Variants in DERA observed in about 807,000 individuals in gnomAD.
The protein encoded by DERA is 2-deoxy-D-ribose 5-phosphate aldolase.
DERA carries 15 observed loss-of-function variants against 41.1 expected under a neutral mutation model. That is an observed-to-expected ratio of 0.37 (90% CI 0.24 to 0.56). DERA has a LOEUF of 0.56. Ranked by LOEUF, DERA falls within the 20% of genes least tolerant of loss-of-function variation. DERA has a pLI of 0.81. For missense variants in DERA, 396 were observed against 403.4 expected, an observed-to-expected ratio of 0.98 and a Z score of 0.16; for synonymous variants, 139 against 137.4, an observed-to-expected ratio of 1.01 and a Z score of -0.08.
At chr12:15,944,573 G>A (rs1948432834) in intron 1 of DERA, among the ~76,000 whole-genome samples, 1 of 152,130 alleles carries the variant, frequency 6.6e-6, no homozygotes, top group South Asian at 2.1e-4. Flanking sequence ...TTTTGATGGG[G>A]TTGTTTGATT....
In DERA at chr12:16,027,347, G is replaced by A. The variant is rs544360548; in HGVS notation, c.638-5195G>A. Among the ~76,000 whole-genome samples, 67 of 152,314 alleles carry A rather than the reference G, an allele frequency of 4.4e-4. No individual in the cohort carries two copies. In the South Asian group the frequency reaches 7.5e-3, roughly 17 times the overall value. On this transcript the variant is annotated intron_variant, in intron 6 of 8. Transcript: ENST00000428559. ...TCAAGAAGTTTGGTAGGCTAAAGAT[G>A]ACTCCTGAAGATAGGTTCACATCCT...
intron 5 of DERA, among the ~76,000 whole-genome samples, chr12:15,978,277 G>T (rs1948711936): frequency 6.6e-6 from 1 of 152,106 alleles, no homozygotes; most frequent in African/African-American, 2.4e-5. Flanking sequence ...GGCTTGTGTT[G>T]GAGTGAAGTG....
chr12:15,914,393 T>TGAA lies in DERA; in HGVS notation c.31+2979_31+2980insGAA, dbSNP rs1948185153. 5.5e-5 allele frequency among the ~76,000 whole-genome samples: 3 copies of TGAA among 55,024 alleles called. No individual in the cohort carries two copies. The Admixed American group carries it at 6.3e-4, about 12-fold the overall frequency. The allele number at this position is 55,024 out of a possible 152,430, so 36.1% of individuals were successfully genotyped here. On this transcript the variant is annotated intron_variant, in intron 1 of 8. Transcript: ENST00000428559. The stretch of plus-strand genomic sequence containing the variant: ...GAGACAGACTGTGTCTCAAAAAAGA[T>TGAA]AAAAAAAAAAAAAAAAAAAGAAAAA...
Position 16,014,178 on chromosome 12 carries a change from G to A in DERA, c.638-18364G>A, listed in dbSNP as rs1948965351. ...TGTGATAGAAAAAAACCCACTTTCT[G>A]AGGAGAAATTCAAGCCAGATGCAGA... On this transcript the variant is annotated intron_variant, in intron 6 of 8. Coordinates refer to ENST00000428559, the MANE Select transcript of DERA (RefSeq NM_015954.4). The surrounding 1 kb of genome is among the most constrained non-coding windows in gnomAD (Gnocchi z 5.4). Among the ~76,000 whole-genome samples, 1 of 152,168 alleles carries A rather than the reference G, an allele frequency of 6.6e-6. No homozygotes were observed. Among genetic ancestry groups the A allele is most frequent in the African/African-American group, 2.4e-5 (1 of 41,438 alleles).
intron 1 of DERA, among the ~76,000 whole-genome samples, chr12:15,926,215 T>G (rs1948282225): frequency 6.6e-6 from 1 of 151,950 alleles, no homozygotes; most frequent in African/African-American, 2.4e-5. Flanking sequence ...CTTTTCAAGA[T>G]GAAGTCTTGC....
intron 1 of DERA, among the ~76,000 whole-genome samples, chr12:15,923,554 A>T (rs560238018): frequency 2.0e-5 from 3 of 152,162 alleles, no homozygotes; most frequent in Non-Finnish European, 2.9e-5. Flanking sequence ...CCTATCTCTG[A>T]TGACTAGACA....
At position 15,940,955 on chromosome 12, in the gene DERA, T is replaced by A. The variant is rs1159166060; in HGVS notation, c.32-15981T>A. The stretch of plus-strand genomic sequence containing the variant: ...ATGTTGAAAAACATTTTGTGCAAAT[T>A]GCAGATAATCAACTTTCCTGAGAAA... On this transcript the variant is annotated intron_variant, in intron 1 of 8. Transcript: ENST00000428559. The surrounding 1 kb of genome is among the most constrained non-coding windows in gnomAD (Gnocchi z 5.1). Among the ~76,000 whole-genome samples the A allele has an allele frequency of 4.6e-5, 7 of 152,230 alleles. No homozygotes were observed.
In DERA at chr12:16,012,559, G is replaced by A. The variant is rs73303391; in HGVS notation, c.638-19983G>A. 0.018 allele frequency among the ~76,000 whole-genome samples: 2,697 copies of A among 152,248 alleles called. 85 individuals carry two copies. The highest frequency in any genetic ancestry group is 0.062 in the African/African-American group (2,574 of 41,532). ...CTGAGTGAAATATTCAAATTTGGGAGCAGAGCCGAGTTGTTTAGACAAGAG... is the reference window on the plus strand; with the variant it reads ...CTGAGTGAAATATTCAAATTTGGGAACAGAGCCGAGTTGTTTAGACAAGAG... On this transcript the variant is annotated intron_variant, in intron 6 of 8. Coordinates refer to ENST00000428559, the MANE Select transcript of DERA (RefSeq NM_015954.4). The surrounding 1 kb of genome is among the most constrained non-coding windows in gnomAD (Gnocchi z 4.1).
Position 15,966,590 on chromosome 12 carries a change from A to C in DERA, c.508+3643A>C, listed in dbSNP as rs368079831. Among the ~76,000 whole-genome samples, 1 of 152,140 alleles carries C rather than the reference A, an allele frequency of 6.6e-6. No homozygotes were observed. The highest frequency in any genetic ancestry group is 2.4e-5 in the African/African-American group (1 of 41,426). ...CATACTCCCCAGTTGTTTATTCAGC[A>C]TTACCATGCAACATATGACACAGCA... On this transcript the variant is annotated intron_variant, in intron 5 of 8. Transcript: ENST00000428559. This position sits in a 1 kb window ranked among gnomAD's most constrained non-coding sequence, Gnocchi z 5.1.
At position 15,936,198 on chromosome 12, in the gene DERA, G is replaced by A. The variant is rs1015142527; in HGVS notation, c.32-20738G>A. On this transcript the variant is annotated intron_variant, in intron 1 of 8. Transcript: ENST00000428559. This position sits in a 1 kb window ranked among gnomAD's most constrained non-coding sequence, Gnocchi z 4.6. ...AATTATGGAAGGGGCATGAATACTA[G>A]GAGGAGAGAATCATTGTGGGTCATT... 6.6e-6 allele frequency among the ~76,000 whole-genome samples: 1 copy of A among 152,226 alleles called. No homozygotes were observed. The highest frequency in any genetic ancestry group is 1.5e-5 in the Non-Finnish European group (1 of 68,040).
rs1948247470 is a variant in DERA at position 15,921,943 on chromosome 12, T to A, written c.31+10529T>A. Among the ~76,000 whole-genome samples, 1 of 137,784 alleles carries A rather than the reference T, an allele frequency of 7.3e-6. No individual in the cohort carries two copies. The highest frequency in any genetic ancestry group is 1.6e-5 in the Non-Finnish European group (1 of 62,074). 90.4% of individuals were successfully genotyped at this position (137,784 alleles called of 152,430 possible). Reference sequence around the variant, plus strand: ...CCATCTCAGATAATAATAATAATAATAAATAATTTTCCAAGGAATAAACAA... The same window carrying A: ...CCATCTCAGATAATAATAATAATAAAAAATAATTTTCCAAGGAATAAACAA... On this transcript the variant is annotated intron_variant, in intron 1 of 8. Coordinates refer to ENST00000428559, the MANE Select transcript of DERA (RefSeq NM_015954.4). This position sits in a 1 kb window ranked among gnomAD's most constrained non-coding sequence, Gnocchi z 5.3.
rs141799589 is a variant in DERA, at chr12:15,962,818, G to A, written c.379G>A (p.Ala127Thr). 17 of 1,533,662 alleles carry A rather than the reference G, an allele frequency of 1.1e-5. No individual in the cohort carries two copies. The highest frequency in any genetic ancestry group is 6.9e-5 in the African/African-American group (5 of 72,312). The change falls in exon 5 of 9, where the codon GCT becomes ACT. Residue 127 changes from alanine (A) to threonine (T), a missense_variant. Ala to Thr is a moderately conservative substitution (Grantham distance 58). Coordinates refer to ENST00000428559, the MANE Select transcript of DERA (RefSeq NM_015954.4). ...TCCTTTCTTAACTCTATTAGTGGCC[G>A]CTGGATTTCCAGCTGGACAGACTCA... The part of the protein sequence containing the change: ...GCNIPVASVA[A>T]GFPAGQTHLK...
Position 16,001,975 on chromosome 12 carries a change from G to T in DERA, c.637+19539G>T, listed in dbSNP as rs940884173. ...TTACCAGGCACTTTGTAACAGCAAG[G>T]TTATTCTTTTTTTTTATTATTATTA... On this transcript the variant is annotated intron_variant, in intron 6 of 8. Coordinates refer to ENST00000428559, the MANE Select transcript of DERA (RefSeq NM_015954.4). The surrounding 1 kb of genome is among the most constrained non-coding windows in gnomAD (Gnocchi z 4.1). 6.6e-6 allele frequency among the ~76,000 whole-genome samples: 1 copy of T among 152,112 alleles called. No individual in the cohort carries two copies. The highest frequency in any genetic ancestry group is 2.4e-5 in the African/African-American group (1 of 41,408).
In DERA at chr12:16,017,617, C is replaced by T. The variant is rs1948991465; in HGVS notation, c.638-14925C>T. On this transcript the variant is annotated intron_variant, in intron 6 of 8. Coordinates refer to ENST00000428559, the MANE Select transcript of DERA (RefSeq NM_015954.4). This position sits in a 1 kb window ranked among gnomAD's most constrained non-coding sequence, Gnocchi z 5.5. The stretch of plus-strand genomic sequence containing the variant: ...AACACTGCATCTTTATTATATTGCC[C>T]TAAGTGATTTCCAAACCTATGTTGA... 6.6e-6 allele frequency among the ~76,000 whole-genome samples: 1 copy of T among 152,144 alleles called. No homozygotes were observed. Among genetic ancestry groups the T allele is most frequent in the African/African-American group, 2.4e-5 (1 of 41,430 alleles).
chr12:15,930,868 T>C (rs906887777), intron 1 of DERA, among the ~76,000 whole-genome samples: 3 of 152,084 alleles, frequency 2.0e-5, no homozygotes, highest in African/African-American at 7.2e-5. Flanking sequence ...AAATAGATTT[T>C]TTCCTGAAAT....
Position 15,956,926 on chromosome 12 carries a change from T to C in DERA, c.32-10T>C, listed in dbSNP as rs530126231. ...TTAGGTTTCAGAAAGTGTTTTTCTGTCTGTTTTAGACCTTAGCTGGATCTC... is the reference window on the plus strand; with the variant it reads ...TTAGGTTTCAGAAAGTGTTTTTCTGCCTGTTTTAGACCTTAGCTGGATCTC... On this transcript the variant is annotated splice_polypyrimidine_tract_variant and intron_variant, in intron 1 of 8. Coordinates refer to ENST00000428559, the MANE Select transcript of DERA (RefSeq NM_015954.4). The C allele has an allele frequency of 2.5e-6, 4 of 1,607,790 alleles. No homozygotes were observed. The South Asian group carries it at 4.4e-5, about 18-fold the overall frequency.
intron 1 of DERA, among the ~76,000 whole-genome samples, chr12:15,952,376 A>G (rs893634649): frequency 6.6e-6 from 1 of 152,162 alleles, no homozygotes; most frequent in African/African-American, 2.4e-5. Flanking sequence ...TGTACTGATT[A>G]CTTTTTTAAA....
intron 6 of DERA, among the ~76,000 whole-genome samples, chr12:16,030,937 AGT>A (rs1313926890): frequency 3.3e-5 from 5 of 152,246 alleles, no homozygotes; most frequent in African/African-American, 1.2e-4. Flanking sequence ...GAAGGCTTCC[AGT>A]GACCTGCTCT....
Position 16,012,145 on chromosome 12 carries a change from G to A in DERA, c.638-20397G>A, listed in dbSNP as rs1380884425. On this transcript the variant is annotated intron_variant, in intron 6 of 8. Coordinates refer to ENST00000428559, the MANE Select transcript of DERA (RefSeq NM_015954.4). The surrounding 1 kb of genome is among the most constrained non-coding windows in gnomAD (Gnocchi z 4.1). Reference sequence around the variant, plus strand: ...CTAGCATAGAGTGGGTGCTCAGTAAGTGTTAGTTAAATGGATGTTGAAGGG... The same window carrying A: ...CTAGCATAGAGTGGGTGCTCAGTAAATGTTAGTTAAATGGATGTTGAAGGG... Among the ~76,000 whole-genome samples, 1 of 152,226 alleles carries A rather than the reference G, an allele frequency of 6.6e-6. No individual in the cohort carries two copies. Among genetic ancestry groups the A allele is most frequent in the Non-Finnish European group, 1.5e-5 (1 of 68,042 alleles).
Sources: allele counts gnomAD v4.1 joint callset (sites outside exome capture counted in the v4.1 genomes callset), GRCh38; gene constraint gnomAD v4.1.1; non-coding constraint Gnocchi (gnomAD v3.1); transcripts MANE v1.5; gene names NCBI Gene and HGNC (gene_info 2026-07-23, HGNC 2026-07-21).